The following MYO1D variants were observed in gnomAD, a reference collection of about 807,000 sequenced individuals.
MYO1D encodes the protein unconventional myosin-Id.
MYO1D carries 83 observed loss-of-function variants against 122.0 expected under a neutral mutation model. That is an observed-to-expected ratio of 0.68 (90% CI 0.57 to 0.82). MYO1D has a LOEUF of 0.82. Ranked by LOEUF, MYO1D falls within the 40% of genes least tolerant of loss-of-function variation. The probability of loss-of-function intolerance (pLI) is 0.00; values close to 1 mark genes in which losing one functional copy is unlikely to be tolerated. For synonymous variants in MYO1D, 464 were observed against 446.9 expected, an observed-to-expected ratio of 1.04 and a Z score of -0.48; for missense variants, 1,157 against 1,269.5, an observed-to-expected ratio of 0.91 and a Z score of 1.35.
intron 16 of MYO1D, among the ~76,000 whole-genome samples, chr17:32,698,379 C>CTCCT (rs1006762271): frequency 7.3e-6 from 1 of 137,176 alleles, no homozygotes; most frequent in Non-Finnish European, 1.5e-5. Context: ...TCCCCCTTCC[C>CTCCT]TCCTTCCTTC....
chr17:32,859,651 A>G (rs1189282226), intron 1 of MYO1D, among the ~76,000 whole-genome samples: 1 of 152,206 alleles, frequency 6.6e-6, no homozygotes, highest in Non-Finnish European at 1.5e-5. Context: ...AACATAATCA[A>G]TTCATACGCA....
At chr17:32,768,985 C>T (rs554685161) in intron 6 of MYO1D, among the ~76,000 whole-genome samples, 25 of 152,312 alleles carry the variant, frequency 1.6e-4, no homozygotes, top group African/African-American at 5.5e-4. Context: ...GATTTGTTTA[C>T]TCCTCTCTAA....
chr17:32,788,949 C>T (rs1030420332), intron 1 of MYO1D, among the ~76,000 whole-genome samples: 1 of 152,020 alleles, frequency 6.6e-6, no homozygotes, highest in African/African-American at 2.4e-5. Context: ...TGTAGTTTTC[C>T]TTGCAATCTT....
chr17:32,609,699 A>G (rs1179240502), intron 20 of MYO1D, among the ~76,000 whole-genome samples: 2 of 152,162 alleles, frequency 1.3e-5, no homozygotes, highest in Non-Finnish European at 2.9e-5. Context: ...ATAAATAAGT[A>G]TTCCCATGAA....
intron 11 of MYO1D, among the ~76,000 whole-genome samples, chr17:32,755,275 C>A (rs866482185): frequency 1.3e-5 from 2 of 152,304 alleles, no homozygotes; most frequent in South Asian, 4.1e-4. Context: ...CTGGAGCTCC[C>A]TCTCCTGGAT....
intron 1 of MYO1D, among the ~76,000 whole-genome samples, chr17:32,826,040 C>T (rs1262188426): frequency 1.1e-4 from 11 of 102,210 alleles, no homozygotes; most frequent in East Asian, 2.7e-4. Flanking sequence ...TAGAGTGAAA[C>T]TCCATCTTAA....
intron 19 of MYO1D, among the ~76,000 whole-genome samples, chr17:32,649,747 T>C (rs1219102927): frequency 6.6e-6 from 1 of 151,968 alleles, no homozygotes; most frequent in Non-Finnish European, 1.5e-5. Flanking sequence ...AATTTTTGTA[T>C]TTTTAGTAGA....
rs969564116 is a variant in MYO1D at position 32,659,126 on chromosome 17, C to A, written c.2334G>T (p.Thr778=). 6.2e-7 allele frequency: 1 copy of A among 1,613,890 alleles called. No homozygotes were observed. Among genetic ancestry groups the A allele is most frequent in the African/African-American group, 1.3e-5 (1 of 74,910 alleles). ...VLRRFEEALQ[T]IFNRWRASQL... ...CAGCACGTTCTTACCTATTGAAAAT[C>A]GTCTGCAGGGCCTCCTCAAAACGGC... Residue 778 remains threonine, a synonymous_variant, in exon 17 of 22, where the codon ACG becomes ACT. Transcript: ENST00000318217.
chr17:32,747,823 C>T (rs150739408), intron 12 of MYO1D, among the ~76,000 whole-genome samples: 3,361 of 150,024 alleles, frequency 0.022, 120 homozygotes, highest in African/African-American at 0.078. Context: ...GGTGACAGAG[C>T]GAGACTCCAT....
intron 16 of MYO1D, among the ~76,000 whole-genome samples, chr17:32,660,764 A>T (rs956846601): frequency 6.6e-6 from 1 of 152,230 alleles, no homozygotes; most frequent in Non-Finnish European, 1.5e-5. Flanking sequence ...CTTTTTAGTC[A>T]AAATGGCTCC....
At position 32,674,822 on chromosome 17, in the gene MYO1D, C is replaced by G. The variant is rs569908026; in HGVS notation, c.2122-15484G>C. 3.3e-5 allele frequency among the ~76,000 whole-genome samples: 5 copies of G among 152,268 alleles called. No individual in the cohort carries two copies. In the South Asian group the frequency reaches 1.0e-3, roughly 32 times the overall value. On this transcript the variant is annotated intron_variant, in intron 16 of 21. Coordinates refer to ENST00000318217, the MANE Select transcript of MYO1D (RefSeq NM_015194.3). Reference sequence around the variant, plus strand: ...TGCAGCCCTGCATCCCAAAATACATCAGTTTCCAGTGCTCACTATAACAGA... The same window carrying G: ...TGCAGCCCTGCATCCCAAAATACATGAGTTTCCAGTGCTCACTATAACAGA...
rs747869229 is a variant in MYO1D at position 32,750,998 on chromosome 17, A to G, written c.1468-1992T>C. 3.9e-5 allele frequency among the ~76,000 whole-genome samples: 6 copies of G among 152,206 alleles called. No homozygotes were observed. The South Asian group carries it at 6.2e-4, about 16-fold the overall frequency. On this transcript the variant is annotated intron_variant, in intron 11 of 21. Transcript: ENST00000318217. ...GGAAAAGGACCCAAGAGATGTCTACACTAATGGAACATTCTTACATTTGGA... is the reference window on the plus strand; with the variant it reads ...GGAAAAGGACCCAAGAGATGTCTACGCTAATGGAACATTCTTACATTTGGA...
At chr17:32,534,130 C>T (rs1910590546) in intron 21 of MYO1D, among the ~76,000 whole-genome samples, 1 of 152,036 alleles carries the variant, frequency 6.6e-6, no homozygotes, top group Non-Finnish European at 1.5e-5. Context: ...AACATTTCCC[C>T]ATCCATATGC....
At chr17:32,662,975 T>C (rs2088589639) in intron 16 of MYO1D, among the ~76,000 whole-genome samples, 1 of 150,204 alleles carries the variant, frequency 6.7e-6, no homozygotes, top group South Asian at 2.1e-4. Flanking sequence ...GAGAGTGCAG[T>C]GGCGTGATCT....
At chr17:32,722,766 C>A (rs1384514022) in intron 14 of MYO1D, among the ~76,000 whole-genome samples, 3 of 152,174 alleles carry the variant, frequency 2.0e-5, no homozygotes, top group African/African-American at 7.2e-5. Context: ...AAAATATTAT[C>A]TACCAGCCTT....
chr17:32,544,978 A>G (rs12938695), intron 21 of MYO1D, among the ~76,000 whole-genome samples: 7,956 of 152,148 alleles, frequency 0.052, 282 homozygotes, highest in Non-Finnish European at 0.075. Flanking sequence ...TCTGTTTCCT[A>G]TATCTGGGCA....
intron 16 of MYO1D, among the ~76,000 whole-genome samples, chr17:32,683,538 G>T (rs1196705819): frequency 6.6e-6 from 1 of 152,028 alleles, no homozygotes; most frequent in Admixed American, 6.5e-5. Flanking sequence ...CCCTGCTGGG[G>T]GGTGCCTCCC....
intron 21 of MYO1D, among the ~76,000 whole-genome samples, chr17:32,550,184 C>T (rs1055630052): frequency 1.3e-5 from 2 of 151,962 alleles, no homozygotes; most frequent in Non-Finnish European, 2.9e-5. Context: ...ACTGCAACCC[C>T]TGCCTTGCTG....
intron 19 of MYO1D, among the ~76,000 whole-genome samples, chr17:32,649,066 C>T (rs1316736565): frequency 6.6e-6 from 1 of 152,078 alleles, no homozygotes. Flanking sequence ...TTCCATTTCC[C>T]CCATCTTTGT....
Sources: gnomAD v4.1 joint callset for allele counts (sites outside exome capture counted in the v4.1 genomes callset) on GRCh38, gnomAD v4.1.1 for gene constraint, MANE v1.5 for transcripts, NCBI Gene and HGNC (gene_info 2026-07-23, HGNC 2026-07-21) for gene names.